The following FHIT variants were observed in gnomAD, a reference collection of about 807,000 sequenced individuals.
The protein encoded by FHIT is bis(5'-adenosyl)-triphosphatase.
In FHIT, 19 loss-of-function variants were observed where a neutral mutation model predicts 17.9. That is an observed-to-expected ratio of 1.06 (90% CI 0.74 to 1.56). FHIT has a LOEUF of 1.56. Ranked by LOEUF, FHIT falls within the 40% of genes most tolerant of loss-of-function variation. The probability of loss-of-function intolerance (pLI) is 0.00; values close to 1 mark genes in which losing one functional copy is unlikely to be tolerated. For synonymous variants in FHIT, 81 were observed against 69.7 expected (o/e 1.16, Z -0.81); for missense variants, 248 against 189.2 (o/e 1.31, Z -1.82).
chr3:60,559,164 TTAC>T (rs2036844897), intron 4 of FHIT, among the ~76,000 whole-genome samples: 1 of 152,214 alleles, frequency 6.6e-6, no homozygotes, highest in Admixed American at 6.5e-5. Flanking sequence ...GGCAAGCTTC[TTAC>T]TAATTAGCAA....
At position 60,668,625 on chromosome 3, in the gene FHIT, G is replaced by A. The variant is rs184012645; in HGVS notation, c.-17-131646C>T. On this transcript the variant is annotated intron_variant, in intron 4 of 9. Coordinates refer to ENST00000492590, the MANE Select transcript of FHIT (RefSeq NM_002012.4). The stretch of plus-strand genomic sequence containing the variant: ...CGCCCAGGCTGGAGTGCAGTGGCAC[G>A]ATCGCTTCTCACTGCAAGCTCCGCC... Among the ~76,000 whole-genome samples the A allele has an allele frequency of 6.7e-4, 92 of 138,120 alleles. 3 individuals are homozygous for A. The East Asian group carries it at 0.013, about 19-fold the overall frequency. 90.6% of individuals were successfully genotyped at this position (138,120 alleles called of 152,430 possible). A position where few individuals can be genotyped will look rare whatever the true frequency, so the allele number is the denominator to read the frequency against.
intron 8 of FHIT, among the ~76,000 whole-genome samples, chr3:59,907,622 C>A (rs917894542): frequency 2.6e-5 from 4 of 152,194 alleles, no homozygotes; most frequent in Non-Finnish European, 5.9e-5. Flanking sequence ...CATGTGTGCA[C>A]TGGGGCAGGG....
intron 5 of FHIT, among the ~76,000 whole-genome samples, chr3:60,373,657 T>A (rs923033961): frequency 2.6e-5 from 4 of 151,996 alleles, no homozygotes; most frequent in African/African-American, 9.7e-5. Flanking sequence ...CCAGCAATTG[T>A]CCCCAAAATG....
chr3:60,091,700 A>T lies in FHIT; in HGVS notation c.104-77548T>A, dbSNP rs1356558237. Among the ~76,000 whole-genome samples, 4 of 152,198 alleles carry T rather than the reference A, an allele frequency of 2.6e-5. No homozygotes were observed. The East Asian group carries it at 7.7e-4, about 29-fold the overall frequency. On this transcript the variant is annotated intron_variant, in intron 5 of 9. Coordinates refer to ENST00000492590, the MANE Select transcript of FHIT (RefSeq NM_002012.4). ...GCACCATCCCCTTGGTGCTGTTCTC[A>T]TGATAGTAAGTTACCATGAGATCTG... is the stretch of plus-strand genomic sequence containing the variant.
chr3:60,380,907 C>G lies in FHIT; in HGVS notation c.103+155953G>C, dbSNP rs138866357. Among the ~76,000 whole-genome samples the G allele has an allele frequency of 3.4e-3, 517 of 152,282 alleles. 7 individuals carry two copies. Among genetic ancestry groups the G allele is most frequent in the African/African-American group, 0.012 (499 of 41,558 alleles). On this transcript the variant is annotated intron_variant, in intron 5 of 9. Coordinates refer to ENST00000492590, the MANE Select transcript of FHIT (RefSeq NM_002012.4). ...TTTATAAATCCCAGTAATAGTACAT[C>G]TTCTTGAGTGGCTGCCTGGTTCCAC...
At chr3:60,771,869 C>T (rs1553723137) in intron 4 of FHIT, among the ~76,000 whole-genome samples, 1 of 152,192 alleles carries the variant, frequency 6.6e-6, no homozygotes, top group East Asian at 1.9e-4. Flanking sequence ...AAAAAATTCA[C>T]ATTCTCTTCT....
intron 2 of FHIT, among the ~76,000 whole-genome samples, chr3:61,173,641 A>G (rs1025417284): frequency 1.3e-5 from 2 of 152,228 alleles, no homozygotes; most frequent in African/African-American, 2.4e-5. Context: ...AAAAAATACA[A>G]ATTTCCTACC....
intron 4 of FHIT, among the ~76,000 whole-genome samples, chr3:60,567,501 C>G (rs1169513726): frequency 6.6e-6 from 1 of 152,074 alleles, no homozygotes. Context: ...ACCATAAAAA[C>G]CCTAGAAGAA....
chr3:60,191,811 T>C (rs1014047571), intron 5 of FHIT, among the ~76,000 whole-genome samples: 4 of 152,158 alleles, frequency 2.6e-5, no homozygotes, highest in African/African-American at 9.7e-5. Context: ...TGATTTAAAA[T>C]ACTTTTAAAA....
At chr3:59,898,885 A>C (rs1256792660) in intron 8 of FHIT, among the ~76,000 whole-genome samples, 2 of 152,224 alleles carry the variant, frequency 1.3e-5, no homozygotes, top group Non-Finnish European at 2.9e-5. Flanking sequence ...TATACTAGGC[A>C]ATTAATAGAC....
At chr3:60,745,882 C>T (rs563876377) in intron 4 of FHIT, among the ~76,000 whole-genome samples, 1 of 152,224 alleles carries the variant, frequency 6.6e-6, no homozygotes, top group African/African-American at 2.4e-5. Context: ...AGCAAGGTAC[C>T]ACCACGTACT....
At position 60,727,747 on chromosome 3, in the gene FHIT, T is replaced by C. The variant is rs539456419; in HGVS notation, c.-18+94172A>G. Among the ~76,000 whole-genome samples, 8 of 152,362 alleles carry C rather than the reference T, an allele frequency of 5.3e-5. No homozygotes were observed. In the South Asian group the frequency reaches 1.7e-3, roughly 32 times the overall value. On this transcript the variant is annotated intron_variant, in intron 4 of 9. Coordinates refer to ENST00000492590, the MANE Select transcript of FHIT (RefSeq NM_002012.4). Reference sequence around the variant, plus strand: ...GGCTGGGCACTGTGGCTCACGCCTGTGATCCCAGCACTTTCGGAGGCCGAG... The same window carrying C: ...GGCTGGGCACTGTGGCTCACGCCTGCGATCCCAGCACTTTCGGAGGCCGAG...
intron 5 of FHIT, among the ~76,000 whole-genome samples, chr3:60,058,304 T>G (rs1186211646): frequency 6.6e-6 from 1 of 151,904 alleles, no homozygotes; most frequent in African/African-American, 2.4e-5. Context: ...CTAATTTTTG[T>G]ATTTTTAGTA....
At chr3:60,440,879 A>C (rs1356178909) in intron 5 of FHIT, among the ~76,000 whole-genome samples, 3 of 152,128 alleles carry the variant, frequency 2.0e-5, no homozygotes, top group Non-Finnish European at 2.9e-5. Flanking sequence ...TAGGGCAATA[A>C]GTGATACTTA....
At chr3:60,151,129 G>C (rs931423609) in intron 5 of FHIT, among the ~76,000 whole-genome samples, 3 of 152,100 alleles carry the variant, frequency 2.0e-5, no homozygotes, top group Admixed American at 6.5e-5. Context: ...TGATGTAAAA[G>C]ACTGGACATG....
At chr3:60,555,442 A>T (rs964323264) in intron 4 of FHIT, among the ~76,000 whole-genome samples, 1 of 152,200 alleles carries the variant, frequency 6.6e-6, no homozygotes, top group Non-Finnish European at 1.5e-5. Context: ...TTCTTCCACC[A>T]TCATGGGTTT....
chr3:61,005,088 T>A (rs2031356618), intron 3 of FHIT, among the ~76,000 whole-genome samples: 1 of 152,150 alleles, frequency 6.6e-6, no homozygotes, highest in Admixed American at 6.5e-5. Context: ...ATATATCCCA[T>A]CTTATTTCAT....
In FHIT at chr3:60,824,475, T is replaced by C. The variant is rs529482435; in HGVS notation, c.-110-2464A>G. On this transcript the variant is annotated intron_variant, in intron 3 of 9. Coordinates refer to ENST00000492590, the MANE Select transcript of FHIT (RefSeq NM_002012.4). Reference sequence around the variant, plus strand: ...ACAGGGAATAAGTAACCAGAATATATAAGGAACTCCTAAAATCAACAAAAA... The same window carrying C: ...ACAGGGAATAAGTAACCAGAATATACAAGGAACTCCTAAAATCAACAAAAA... Among the ~76,000 whole-genome samples the C allele has an allele frequency of 5.9e-5, 9 of 152,222 alleles. 1 individual carries two copies. The highest frequency in any genetic ancestry group is 3.3e-4 in the Admixed American group (5 of 15,290).
intron 5 of FHIT, among the ~76,000 whole-genome samples, chr3:60,327,230 T>C (rs1709738547): frequency 6.6e-6 from 1 of 152,120 alleles, no homozygotes; most frequent in Non-Finnish European, 1.5e-5. Context: ...AGGGAAGGGG[T>C]TTGAAGTTGT....
Sources: gnomAD v4.1 joint callset for allele counts (sites outside exome capture counted in the v4.1 genomes callset) on GRCh38, gnomAD v4.1.1 for gene constraint, MANE v1.5 for transcripts, NCBI Gene and HGNC (gene_info 2026-07-23, HGNC 2026-07-21) for gene names.